PPFIBP2: variants seen among roughly 807,000 people sequenced by gnomAD.
The protein encoded by PPFIBP2 is PPFIB scaffold protein 2.
Under a neutral mutation model 118.3 loss-of-function variants are expected in PPFIBP2, and 118 were observed. The ratio of observed to expected loss-of-function variants is 1.00; its 90% confidence interval spans 0.86 to 1.16. PPFIBP2 has a LOEUF of 1.16. Among genes scored for constraint, PPFIBP2 ranks in the 50% most tolerant of loss-of-function variants. The probability of loss-of-function intolerance (pLI) is 0.00; values close to 1 mark genes in which losing one functional copy is unlikely to be tolerated. For synonymous variants in PPFIBP2, 414 were observed against 397.4 expected (o/e 1.04, Z -0.50); for missense variants, 1,195 against 1,073.1 (o/e 1.11, Z -1.59).
rs993874956 is a variant in PPFIBP2, at chr11:7,594,166, C to G, written c.372+942C>G. Among the ~76,000 whole-genome samples, 16 of 152,204 alleles carry G rather than the reference C, an allele frequency of 1.1e-4. No homozygotes were observed. In the East Asian group the frequency reaches 2.7e-3, roughly 26 times the overall value. On this transcript the variant is annotated intron_variant, in intron 4 of 23. Coordinates refer to ENST00000299492, the MANE Select transcript of PPFIBP2 (RefSeq NM_003621.5). ...CTCTTTTTACCTTACTTATTTTACT[C>G]TTTCATTGTATTTTATGAACATAAG... is the stretch of plus-strand genomic sequence containing the variant.
the PPFIBP2 span, chr11:7,666,489 T>C: frequency 6.2e-7 from 1 of 1,613,524 alleles, no homozygotes; most frequent in South Asian, 1.1e-5. Flanking sequence ...CAGGTTGAAC[T>C]GGTCTGGGTG....
intron 1 of PPFIBP2, among the ~76,000 whole-genome samples, chr11:7,536,716 C>T (rs1411189477): frequency 6.6e-6 from 1 of 151,970 alleles, no homozygotes; most frequent in South Asian, 2.1e-4. Flanking sequence ...TGTAGCATCC[C>T]GGGAGCAGAA....
chr11:7,646,975 AAGTTTGTAAGTTCCAGGCCTC>A (rs766384810), intron 17 of PPFIBP2, among the ~76,000 whole-genome samples: 1 of 152,134 alleles, frequency 6.6e-6, no homozygotes, highest in Non-Finnish European at 1.5e-5. Context: ...TTTGAAGAGA[AAGTTTGTAAGTTCCAGGCCTC>A]GTAAAATATT....
At chr11:7,628,784 A>C (rs892086564) in intron 9 of PPFIBP2, among the ~76,000 whole-genome samples, 1 of 152,238 alleles carries the variant, frequency 6.6e-6, no homozygotes, top group Admixed American at 6.5e-5. Flanking sequence ...ATTTCGGCAC[A>C]GTCATAAATA....
chr11:7,660,684 C>G (rs578248823), downstream of PPFIBP2, among the ~76,000 whole-genome samples: 1 of 151,094 alleles, frequency 6.6e-6, no homozygotes, highest in Non-Finnish European at 1.5e-5. Flanking sequence ...GGAGGATTCC[C>G]TCTTTTTCTA....
chr11:7,530,113 G>A lies in PPFIBP2; in HGVS notation c.-37+15992G>A, dbSNP rs187547072. On this transcript the variant is annotated intron_variant, in intron 1 of 23. Coordinates refer to ENST00000299492, the MANE Select transcript of PPFIBP2 (RefSeq NM_003621.5). ...GGGTCTTGGCCAAATCCATCTTCTG[G>A]AATAGTACAGTTGGGAACATGTTCT... Among the ~76,000 whole-genome samples the A allele has an allele frequency of 4.7e-3, 710 of 152,304 alleles. 8 individuals carry two copies. Among genetic ancestry groups the A allele is most frequent in the Non-Finnish European group, 7.5e-3 (511 of 68,028 alleles).
intron 3 of PPFIBP2, among the ~76,000 whole-genome samples, chr11:7,575,448 TTTTCTCC>T (rs906076502): frequency 6.6e-5 from 10 of 152,282 alleles, no homozygotes; most frequent in African/African-American, 2.4e-4. Context: ...CTCTTTTCTC[TTTTCTCC>T]TCTCTTGTAC....
chr11:7,651,603 C>G lies in PPFIBP2; in HGVS notation c.2248-53C>G, dbSNP rs879038406. 1.4e-5 allele frequency: 21 copies of G among 1,523,572 alleles called. No individual in the cohort carries two copies. In the East Asian group the frequency reaches 2.5e-4, roughly 18 times the overall value. The allele number at this position is 1,523,572 out of a possible 1,614,324, so 94.4% of individuals were successfully genotyped here. On this transcript the variant is annotated intron_variant, in intron 22 of 23. Coordinates refer to ENST00000299492, the MANE Select transcript of PPFIBP2 (RefSeq NM_003621.5). ...AGGCCAGTCTCTCAGCATCCTCCCC[C>G]TCGAGCCATTTGTATTTGCTCCTGG... is the stretch of plus-strand genomic sequence containing the variant.
intron 5 of PPFIBP2, among the ~76,000 whole-genome samples, chr11:7,601,453 C>T (rs1230381633): frequency 3.3e-5 from 5 of 152,268 alleles, no homozygotes; most frequent in African/African-American, 1.2e-4. Context: ...GGGAAGGGAA[C>T]ATGATAGCTA....
intron 2 of PPFIBP2, among the ~76,000 whole-genome samples, chr11:7,550,999 G>A (rs1852912670): frequency 6.6e-6 from 1 of 151,946 alleles, no homozygotes; most frequent in Non-Finnish European, 1.5e-5. Context: ...GTGGTCGTGT[G>A]AGTTAATAGT....
chr11:7,605,493 A>G (rs940668580), intron 5 of PPFIBP2, among the ~76,000 whole-genome samples: 5 of 152,200 alleles, frequency 3.3e-5, no homozygotes, highest in African/African-American at 9.7e-5. Flanking sequence ...ACAGAAACCA[A>G]CTGGCATCAT....
chr11:7,523,840 C>A lies in PPFIBP2; in HGVS notation c.-37+9719C>A, dbSNP rs147838454. Among the ~76,000 whole-genome samples the A allele has an allele frequency of 6.5e-4, 99 of 152,276 alleles. 1 individual carries two copies. Among genetic ancestry groups the A allele is most frequent in the African/African-American group, 2.1e-3 (88 of 41,546 alleles). On this transcript the variant is annotated intron_variant, in intron 1 of 23. Coordinates refer to ENST00000299492, the MANE Select transcript of PPFIBP2 (RefSeq NM_003621.5). The stretch of plus-strand genomic sequence containing the variant: ...GATCCAGATCTCAGGATTTCTCTGC[C>A]TGCTTAGGGATGCCAGTGAGGTGTG...
At chr11:7,646,214 A>G (rs1853033156) in intron 17 of PPFIBP2, among the ~76,000 whole-genome samples, 2 of 152,398 alleles carry the variant, frequency 1.3e-5, no homozygotes, top group South Asian at 4.1e-4. Context: ...AAACTCATGT[A>G]CTGCCGCAAG....
chr11:7,659,939 GCTCT>G (rs1290925709), downstream of PPFIBP2, among the ~76,000 whole-genome samples: 58 of 123,970 alleles, frequency 4.7e-4, 9 homozygotes, highest in East Asian at 1.2e-3. Flanking sequence ...TCATGATTTG[GCTCT>G]CTGTTTGTCT....
intron 5 of PPFIBP2, chr11:7,598,202 C>G: frequency 5.0e-6 from 1 of 201,858 alleles, no homozygotes. Flanking sequence ...TTCTTTTTGT[C>G]CTTGTTATGT....
chr11:7,565,577 G>A lies in PPFIBP2; in HGVS notation c.89G>A (p.Ser30Asn), dbSNP rs751454966. Residue 30 changes from serine (S) to asparagine (N), a missense_variant, in exon 3 of 24, where the codon AGT (serine) becomes AAT (asparagine). Transcript: ENST00000299492. ...GGCACTAAAACAGGTGCAGATCTTA[G>A]TGATGGTACTTGTGAGCCTGGACTG... ...IAGTKTGADL[S>N]DGTCEPGLAS... is the part of the protein sequence containing the mutation. 10 of 1,614,232 alleles carry A rather than the reference G, an allele frequency of 6.2e-6. No homozygotes were observed. The South Asian group carries it at 1.1e-4, about 18-fold the overall frequency.
chr11:7,609,880 C>A (rs1342259960), intron 5 of PPFIBP2, among the ~76,000 whole-genome samples: 1 of 151,948 alleles, frequency 6.6e-6, no homozygotes, highest in Non-Finnish European at 1.5e-5. Flanking sequence ...TTGGTTGAGC[C>A]CAGAAAGTGA....
intron 3 of PPFIBP2, among the ~76,000 whole-genome samples, chr11:7,574,381 C>T (rs1206806560): frequency 6.6e-6 from 1 of 152,096 alleles, no homozygotes; most frequent in Non-Finnish European, 1.5e-5. Flanking sequence ...AGCAGCAAGC[C>T]CAGGCCCCCG....
At chr11:7,556,035 C>T (rs540010709) in intron 2 of PPFIBP2, among the ~76,000 whole-genome samples, 6 of 152,112 alleles carry the variant, frequency 3.9e-5, no homozygotes, top group African/African-American at 1.2e-4. Flanking sequence ...ATCAAGTTGG[C>T]CATTATATTT....
Sources: gnomAD v4.1 joint callset for allele counts (sites outside exome capture counted in the v4.1 genomes callset) on GRCh38, gnomAD v4.1.1 for gene constraint, MANE v1.5 for transcripts, NCBI Gene and HGNC (gene_info 2026-07-23, HGNC 2026-07-21) for gene names.